The following CLUL1 variants were observed in gnomAD, a reference collection of about 807,000 sequenced individuals.
CLUL1 encodes the protein clusterin-like protein 1.
A neutral mutation model predicts 49.4 loss-of-function variants in CLUL1; 43 were observed. The observed-to-expected ratio is 0.87, with a 90% CI of 0.68 to 1.12. The LOEUF (loss-of-function observed/expected upper bound fraction) is 1.12, where lower values mean the gene tolerates loss of function less well. Ranked by LOEUF, CLUL1 falls within the 50% of genes most tolerant of loss-of-function variation. The probability of loss-of-function intolerance (pLI) is 0.00; values close to 1 mark genes in which losing one functional copy is unlikely to be tolerated. For synonymous variants in CLUL1, 192 were observed against 184.9 expected (o/e 1.04, Z -0.31); for missense variants, 486 against 544.4 (o/e 0.89, Z 1.07).
Position 606,684 on chromosome 18 carries a change from C to A in CLUL1, c.-135-294C>A, listed in dbSNP as rs2143938579. 1.3e-5 allele frequency among the ~76,000 whole-genome samples: 2 copies of A among 152,104 alleles called. No individual in the cohort carries two copies. On this transcript the variant is annotated intron_variant, in intron 1 of 9. Transcript: ENST00000692774. This position sits in a 1 kb window ranked among gnomAD's most constrained non-coding sequence, Gnocchi z 4.1. ...AGCCAAAAGGCTATTGGAGTCTTCT[C>A]AAATGAAAGAGATTTTATCAAAGGC...
At chr18:623,431 G>A (rs1756587463) in intron 4 of CLUL1, among the ~76,000 whole-genome samples, 1 of 152,098 alleles carries the variant, frequency 6.6e-6, no homozygotes, top group South Asian at 2.1e-4. Context: ...GATCACTTGA[G>A]GCCAGGAGTT....
At chr18:630,901 C>T (rs1167741996) in intron 6 of CLUL1, among the ~76,000 whole-genome samples, 1 of 151,244 alleles carries the variant, frequency 6.6e-6, no homozygotes, top group Non-Finnish European at 1.5e-5. Context: ...TGATTTTAGC[C>T]TAGGGAGACC....
chr18:612,560 T>C (rs1418223505), intron 2 of CLUL1, among the ~76,000 whole-genome samples: 1 of 152,220 alleles, frequency 6.6e-6, no homozygotes, highest in Non-Finnish European at 1.5e-5. Context: ...TTGCACTGGG[T>C]CCTGAAAATT....
intron 4 of CLUL1, among the ~76,000 whole-genome samples, chr18:620,263 T>C (rs768745732): frequency 2.6e-5 from 4 of 152,198 alleles, no homozygotes; most frequent in African/African-American, 4.8e-5. Flanking sequence ...AGTTTTCCCT[T>C]GTCACTTGGC....
intron 1 of CLUL1, among the ~76,000 whole-genome samples, chr18:599,906 C>T (rs2072773564): frequency 6.6e-6 from 1 of 150,954 alleles, no homozygotes; most frequent in Admixed American, 6.6e-5. Context: ...CGAGATCGCG[C>T]CACTGCACTC....
intron 2 of CLUL1, among the ~76,000 whole-genome samples, chr18:612,277 C>T (rs900623796): frequency 3.9e-5 from 6 of 152,148 alleles, no homozygotes; most frequent in Non-Finnish European, 8.8e-5. Context: ...TTTACCCTGC[C>T]CTACTTACAG....
At chr18:619,513 G>C in intron 4 of CLUL1, 152 bp downstream of exon 4, 1 of 767,144 alleles carries the variant, frequency 1.3e-6, no homozygotes, top group Non-Finnish European at 2.0e-6. Context: ...GGAAGCTTCA[G>C]ATTTCCTTGA....
At chr18:597,428 G>C (rs2072681906) in intron 1 of CLUL1, among the ~76,000 whole-genome samples, 1 of 152,178 alleles carries the variant, frequency 6.6e-6, no homozygotes, top group South Asian at 2.1e-4. Flanking sequence ...CAAAACTACT[G>C]GCAAAAACTA....
At chr18:633,233 T>G in intron 6 of CLUL1, 65 bp from the exon 7 acceptor site, 3 of 1,392,948 alleles carry the variant, frequency 2.2e-6, no homozygotes, top group Non-Finnish European at 2.9e-6. Context: ...GCTGCGGCAT[T>G]GTCTCCACTT....
At chr18:630,790 G>A (rs1031809929) in intron 6 of CLUL1, among the ~76,000 whole-genome samples, 14 of 143,086 alleles carry the variant, frequency 9.8e-5, no homozygotes, top group Non-Finnish European at 1.9e-4. Flanking sequence ...AGGTTCAAGC[G>A]ATTCTCCTGC....
chr18:641,274 C>A, intron 7 of CLUL1, 53 bp from the exon 8 acceptor site: 1 of 1,521,702 alleles, frequency 6.6e-7, no homozygotes, highest in Non-Finnish European at 9.1e-7. Flanking sequence ...ATGTTGCCCA[C>A]CTCCAAGTTT....
intron 1 of CLUL1, 49 bp downstream of exon 1, chr18:597,178 C>T (rs1030618851): frequency 7.8e-5 from 12 of 153,058 alleles, no homozygotes; most frequent in African/African-American, 2.7e-4. Context: ...CGCTCTTGCC[C>T]ATTTCTCCGG....
In CLUL1 at chr18:624,877, C is replaced by T; in HGVS notation, c.268C>T (p.Leu90Phe). Residue 90 changes from leucine to phenylalanine, a missense_variant, in exon 5 of 10, where the codon CTT (leucine) becomes TTT (phenylalanine). Coordinates refer to ENST00000692774, the MANE Select transcript of CLUL1 (RefSeq NM_001393344.1). Reference sequence around the variant, plus strand: ...TACTTTTAACTAGGAGGCCCTGAAACTTCTGAATGAAGTTCAAGAACATCT... The same window carrying T: ...TACTTTTAACTAGGAGGCCCTGAAATTTCTGAATGAAGTTCAAGAACATCT... ...CREEKQEALK[L>F]LNEVQEHLEE... 6.2e-7 allele frequency: 1 copy of T among 1,613,832 alleles called. No homozygotes were observed. Among genetic ancestry groups the T allele is most frequent in the Non-Finnish European group, 8.5e-7 (1 of 1,179,928 alleles).
intron 2 of CLUL1, among the ~76,000 whole-genome samples, chr18:610,723 C>G (rs1163741696): frequency 1.3e-5 from 2 of 152,128 alleles, no homozygotes; most frequent in Non-Finnish European, 2.9e-5. Context: ...GTAGTAGACA[C>G]TCAGCAAATA....
rs186176851 is a variant in CLUL1, at chr18:611,199, A to G, written c.-14+4100A>G. ...GCTCACCTGCACCTTTGCATCTTTC[A>G]GAAAGGAGCACCTACAAGATAACCC... On this transcript the variant is annotated intron_variant, in intron 2 of 9. Coordinates refer to ENST00000692774, the MANE Select transcript of CLUL1 (RefSeq NM_001393344.1). Among the ~76,000 whole-genome samples the G allele has an allele frequency of 2.0e-4, 30 of 148,754 alleles. No individual in the cohort carries two copies. The East Asian group carries it at 5.8e-3, about 29-fold the overall frequency.
intron 2 of CLUL1, among the ~76,000 whole-genome samples, chr18:607,519 G>A (rs1008126220): frequency 6.6e-6 from 1 of 152,158 alleles, no homozygotes; most frequent in Non-Finnish European, 1.5e-5. Flanking sequence ...GTGCGGCCCT[G>A]ATCTCCTGGG....
intron 2 of CLUL1, among the ~76,000 whole-genome samples, chr18:616,185 T>C (rs2073284614): frequency 6.6e-6 from 1 of 152,234 alleles, no homozygotes; most frequent in African/African-American, 2.4e-5. Flanking sequence ...GCTAATCAAG[T>C]AGCAAATTAC....
In CLUL1 at chr18:619,362, G is replaced by T. The variant is rs902427790; in HGVS notation, c.255+1G>T. The stretch of plus-strand genomic sequence containing the variant: ...GAAGAAATGCAGAGAAGAAAAGCAG[G>T]TACAGTCATTGAAAATAATGTCTGT... On this transcript the variant is annotated splice_donor_variant, in intron 4 of 9. Transcript: ENST00000692774. LOFTEE classifies it high-confidence loss of function. 1.2e-6 allele frequency: 2 copies of T among 1,609,300 alleles called. No individual in the cohort carries two copies. The highest frequency in any genetic ancestry group is 2.7e-5 in the African/African-American group (2 of 74,750).
chr18:632,639 C>A (rs536392762), intron 6 of CLUL1, among the ~76,000 whole-genome samples: 1 of 152,158 alleles, frequency 6.6e-6, no homozygotes, highest in East Asian at 1.9e-4. Flanking sequence ...TAAATGAAAG[C>A]TGCCCTCTCC....
Sources: allele counts gnomAD v4.1 joint callset (sites outside exome capture counted in the v4.1 genomes callset), GRCh38; gene constraint gnomAD v4.1.1; non-coding constraint Gnocchi (gnomAD v3.1); transcripts MANE v1.5; gene names NCBI Gene and HGNC (gene_info 2026-07-23, HGNC 2026-07-21).